The following SAMD3 variants were observed in gnomAD, a reference collection of about 807,000 sequenced individuals.
SAMD3 encodes sterile alpha motif domain-containing protein 3.
SAMD3 carries 63 observed loss-of-function variants against 58.5 expected under a neutral mutation model. The observed-to-expected ratio is 1.08, with a 90% CI of 0.88 to 1.33. SAMD3 has a LOEUF of 1.33. Among genes scored for constraint, SAMD3 ranks in the 40% most tolerant of loss-of-function variants. The probability of loss-of-function intolerance (pLI) is 0.00; values close to 1 mark genes in which losing one functional copy is unlikely to be tolerated. For synonymous variants in SAMD3, 220 were observed against 210.3 expected (o/e 1.05, Z -0.40); for missense variants, 604 against 608.4 (o/e 0.99, Z 0.08).
intron 2 of SAMD3, among the ~76,000 whole-genome samples, chr6:130,312,429 C>T (rs186558288): frequency 1.2e-4 from 18 of 152,318 alleles, no homozygotes; most frequent in South Asian, 4.1e-4. Flanking sequence ...TCAGGCCCTT[C>T]CTGTCCCTTA....
chr6:130,253,748 A>T (rs1374046070), intron 2 of SAMD3, among the ~76,000 whole-genome samples: 3 of 150,534 alleles, frequency 2.0e-5, no homozygotes, highest in East Asian at 1.9e-4. Flanking sequence ...TAAAATTATT[A>T]TTTTTTTTTG....
chr6:130,355,603 T>C (rs1345889057), intron 1 of SAMD3, among the ~76,000 whole-genome samples: 1 of 152,218 alleles, frequency 6.6e-6, no homozygotes, highest in Non-Finnish European at 1.5e-5. Flanking sequence ...GGTCACATGA[T>C]GCTCTTACTA....
intron 2 of SAMD3, among the ~76,000 whole-genome samples, chr6:130,292,379 C>T (rs1429565045): frequency 2.0e-5 from 3 of 151,184 alleles, no homozygotes; most frequent in Non-Finnish European, 2.9e-5. Context: ...CTCCACCTCC[C>T]GGGCTCAAGC....
chr6:130,221,353 G>A (rs1040177039), intron 1 of SAMD3, among the ~76,000 whole-genome samples: 5 of 151,948 alleles, frequency 3.3e-5, no homozygotes, highest in East Asian at 1.9e-4. Context: ...AAGGAAAAAC[G>A]CATGTGTACA....
intron 8 of SAMD3, among the ~76,000 whole-genome samples, chr6:130,166,259 T>C (rs1353445155): frequency 1.3e-5 from 2 of 152,170 alleles, no homozygotes; most frequent in Admixed American, 6.5e-5. Context: ...CAGAATCTTC[T>C]CCACTGAGGG....
chr6:130,234,431 A>C (rs1388187682), intron 2 of SAMD3, among the ~76,000 whole-genome samples: 1 of 152,174 alleles, frequency 6.6e-6, no homozygotes. Context: ...AACAAATGAC[A>C]CACATGTAAA....
intron 4 of SAMD3, among the ~76,000 whole-genome samples, chr6:130,213,642 A>T (rs1297462644): frequency 6.6e-6 from 1 of 152,226 alleles, no homozygotes; most frequent in Admixed American, 6.5e-5. Context: ...CAGGGCATAG[A>T]TGGATGTGTA....
chr6:130,287,521 C>T (rs1775199763), intron 2 of SAMD3, among the ~76,000 whole-genome samples: 1 of 152,088 alleles, frequency 6.6e-6, no homozygotes, highest in Non-Finnish European at 1.5e-5. Context: ...AACCTGTATT[C>T]TATTTTATTT....
At chr6:130,316,703 A>G (rs1368134465) in intron 1 of SAMD3, among the ~76,000 whole-genome samples, 1 of 152,186 alleles carries the variant, frequency 6.6e-6, no homozygotes, top group Non-Finnish European at 1.5e-5. Context: ...CAATTTTTAG[A>G]AAGATATGTT....
intron 5 of SAMD3, among the ~76,000 whole-genome samples, chr6:130,189,743 A>G (rs1161199466): frequency 2.0e-5 from 3 of 152,236 alleles, no homozygotes; most frequent in African/African-American, 7.2e-5. Context: ...ATGAGCTCCC[A>G]CTGGACCAGC....
At chr6:130,284,313 G>A (rs1775085384) in intron 2 of SAMD3, among the ~76,000 whole-genome samples, 1 of 152,108 alleles carries the variant, frequency 6.6e-6, no homozygotes, top group Non-Finnish European at 1.5e-5. Flanking sequence ...TTTAGTTCCT[G>A]TTTAATCAAG....
intron 1 of SAMD3, among the ~76,000 whole-genome samples, chr6:130,323,270 C>T (rs1396161677): frequency 6.6e-6 from 1 of 152,100 alleles, no homozygotes; most frequent in Admixed American, 6.6e-5. Context: ...TTTTCAGTTC[C>T]CAGATCCCTA....
chr6:130,227,867 G>A (rs1028962900), upstream of SAMD3, among the ~76,000 whole-genome samples: 1 of 151,662 alleles, frequency 6.6e-6, no homozygotes, highest in Non-Finnish European at 1.5e-5. Flanking sequence ...TAGCAGACAC[G>A]GAGACCTATG....
chr6:130,277,410 A>C (rs979987963), intron 2 of SAMD3, among the ~76,000 whole-genome samples: 2 of 152,236 alleles, frequency 1.3e-5, no homozygotes, highest in Non-Finnish European at 2.9e-5. Flanking sequence ...CAGCCATGCT[A>C]GACTTCTTTT....
At chr6:130,350,192 A>G (rs1421056104) in intron 1 of SAMD3, among the ~76,000 whole-genome samples, 1 of 152,206 alleles carries the variant, frequency 6.6e-6, no homozygotes, top group Admixed American at 6.5e-5. Context: ...CACCACTCCT[A>G]TTCAACATAG....
intron 1 of SAMD3, among the ~76,000 whole-genome samples, chr6:130,354,581 C>G (rs553224645): frequency 3.3e-5 from 5 of 152,034 alleles, no homozygotes; most frequent in Non-Finnish European, 5.9e-5. Flanking sequence ...TAACAGAAAA[C>G]CAAATATCAC....
chr6:130,180,933 T>TC (rs1582818342), intron 7 of SAMD3, among the ~76,000 whole-genome samples: 1 of 105,798 alleles, frequency 9.5e-6, no homozygotes, highest in East Asian at 3.2e-4. Flanking sequence ...TTTTCTTTTC[T>TC]TTTTTCTTTT....
At chr6:130,308,645 G>A (rs1385543122) in intron 2 of SAMD3, among the ~76,000 whole-genome samples, 4 of 152,004 alleles carry the variant, frequency 2.6e-5, no homozygotes, top group Non-Finnish European at 4.4e-5. Flanking sequence ...GAAGGATAAA[G>A]TCTGCCTCAA....
At chr6:130,203,551 A>G (rs1008776054) in intron 5 of SAMD3, among the ~76,000 whole-genome samples, 1 of 152,188 alleles carries the variant, frequency 6.6e-6, no homozygotes, top group Non-Finnish European at 1.5e-5. Flanking sequence ...ATCTCAAGAC[A>G]TTGCATCTCA....
Sources: gnomAD v4.1 joint callset for allele counts (sites outside exome capture counted in the v4.1 genomes callset) on GRCh38, gnomAD v4.1.1 for gene constraint, MANE v1.5 for transcripts, NCBI Gene and HGNC (gene_info 2026-07-23, HGNC 2026-07-21) for gene names.